Variants in MAP2K4 observed in about 807,000 individuals in gnomAD.
MAP2K4 encodes dual specificity mitogen-activated protein kinase kinase 4.
Under a neutral mutation model 48.5 loss-of-function variants are expected in MAP2K4, and 4 were observed. The observed-to-expected ratio is 0.08, with a 90% CI of 0.04 to 0.19. The LOEUF (loss-of-function observed/expected upper bound fraction) is 0.19, where lower values mean the gene tolerates loss of function less well. Among genes scored for constraint, MAP2K4 ranks in the 10% least tolerant of loss-of-function variants. MAP2K4 has a pLI of 1.00. For missense variants in MAP2K4, 258 were observed against 493.3 expected (o/e 0.52, Z 4.52); for synonymous variants, 166 against 173.1 (o/e 0.96, Z 0.32).
At chr17:12,129,031 G>T in intron 8 of MAP2K4, 108 bp from the exon 9 acceptor site, 2 of 987,076 alleles carry the variant, frequency 2.0e-6, no homozygotes, top group Non-Finnish European at 1.5e-6. Flanking sequence ...TTTAATTCAA[G>T]GCTTTACTAG....
In MAP2K4 at chr17:12,119,867, TC is replaced by T. The variant is rs566551163; in HGVS notation, c.814-5425del. Among the ~76,000 whole-genome samples, 48 of 152,352 alleles carry T rather than the reference TC, an allele frequency of 3.2e-4. 1 individual carries two copies. Among genetic ancestry groups the T allele is most frequent in the South Asian group, 4.1e-4 (2 of 4,834 alleles). ...GGAACATGGATGGAGCTGTAGGCCA[TC>T]CATTAATATCTAAGGATACTTACTT... On this transcript the variant is annotated intron_variant, in intron 7 of 10. Coordinates refer to ENST00000353533, the MANE Select transcript of MAP2K4 (RefSeq NM_003010.4).
intron 1 of MAP2K4, among the ~76,000 whole-genome samples, chr17:12,032,822 CA>C (rs901420877): frequency 6.6e-5 from 10 of 151,314 alleles, no homozygotes; most frequent in South Asian, 4.2e-4. Flanking sequence ...CTTTCTATAT[CA>C]AAAAAAAAGT....
chr17:12,097,685 GGT>G (rs1223321483), intron 4 of MAP2K4, among the ~76,000 whole-genome samples: 1 of 152,162 alleles, frequency 6.6e-6, no homozygotes, highest in African/African-American at 2.4e-5. Flanking sequence ...TTCGGGATTT[GGT>G]GGTATTATCT....
chr17:12,084,363 T>A (rs1971291033), intron 3 of MAP2K4, among the ~76,000 whole-genome samples: 2 of 152,200 alleles, frequency 1.3e-5, no homozygotes, highest in South Asian at 4.1e-4. Context: ...GTTTACCCTT[T>A]AGTTTTAATT....
At chr17:12,094,309 A>G (rs748936548) in intron 3 of MAP2K4, among the ~76,000 whole-genome samples, 14 of 152,332 alleles carry the variant, frequency 9.2e-5, no homozygotes, top group Admixed American at 3.3e-4. Flanking sequence ...TCAAAAATGA[A>G]ACGGAGAGAA....
intron 8 of MAP2K4, among the ~76,000 whole-genome samples, chr17:12,127,534 T>C (rs1972891409): frequency 6.6e-6 from 1 of 152,188 alleles, no homozygotes; most frequent in Admixed American, 6.5e-5. Context: ...CTAAACCTTG[T>C]TGTTTAAAAG....
intron 1 of MAP2K4, among the ~76,000 whole-genome samples, chr17:12,051,120 C>G (rs138718512): frequency 2.5e-3 from 383 of 152,270 alleles, no homozygotes; most frequent in African/African-American, 8.6e-3. Flanking sequence ...CTAGGCCAGC[C>G]TCTGGGCCAG....
intron 8 of MAP2K4, among the ~76,000 whole-genome samples, chr17:12,128,564 C>T (rs1006323865): frequency 6.6e-6 from 1 of 152,146 alleles, no homozygotes; most frequent in African/African-American, 2.4e-5. Flanking sequence ...CTTCAGGATG[C>T]AGGGTTTGAC....
chr17:12,135,898 C>T (rs1408231528), intron 9 of MAP2K4, among the ~76,000 whole-genome samples: 1 of 152,066 alleles, frequency 6.6e-6, no homozygotes, highest in Non-Finnish European at 1.5e-5. Flanking sequence ...CTGAGGAATC[C>T]ATGGAGCTCT....
intron 7 of MAP2K4, among the ~76,000 whole-genome samples, chr17:12,120,723 A>G (rs566035206): frequency 1.3e-5 from 2 of 152,302 alleles, no homozygotes; most frequent in Admixed American, 6.5e-5. Flanking sequence ...TTACAAAGCC[A>G]TCTAGCAGAA....
intron 2 of MAP2K4, among the ~76,000 whole-genome samples, chr17:12,055,372 A>G (rs1970252658): frequency 6.6e-6 from 1 of 152,090 alleles, no homozygotes; most frequent in South Asian, 2.1e-4. Flanking sequence ...TCTTAGTGAA[A>G]ATATTAGAGC....
intron 2 of MAP2K4, among the ~76,000 whole-genome samples, chr17:12,068,791 A>T (rs994762586): frequency 6.6e-6 from 1 of 150,534 alleles, no homozygotes; most frequent in African/African-American, 2.4e-5. Context: ...GTATTTATGT[A>T]TACATGTGTT....
intron 1 of MAP2K4, 142 bp from the exon 2 acceptor site, chr17:12,054,747 C>G: frequency 2.0e-6 from 1 of 501,868 alleles, no homozygotes; most frequent in Non-Finnish European, 3.6e-6. Flanking sequence ...AGAAATTCCT[C>G]ATTGCCTTTC....
chr17:12,030,310 C>T (rs1969394148), intron 1 of MAP2K4, among the ~76,000 whole-genome samples: 1 of 152,208 alleles, frequency 6.6e-6, no homozygotes, highest in Non-Finnish European at 1.5e-5. Flanking sequence ...TCAGTGGACT[C>T]TGGGCGAGTT....
intron 1 of MAP2K4, among the ~76,000 whole-genome samples, chr17:12,029,026 T>C (rs1366951393): frequency 6.6e-6 from 1 of 152,228 alleles, no homozygotes; most frequent in Admixed American, 6.5e-5. Context: ...CATTTTGTTT[T>C]TTACTTTATC....
intron 7 of MAP2K4, chr17:12,116,009 A>G (rs907559391): frequency 8.1e-6 from 3 of 369,676 alleles, no homozygotes; most frequent in Admixed American, 3.7e-5. Flanking sequence ...AAATGCAGAG[A>G]AAAAAACCAA....
At chr17:12,129,659 A>T (rs1010219531) in intron 9 of MAP2K4, among the ~76,000 whole-genome samples, 13 of 152,250 alleles carry the variant, frequency 8.5e-5, no homozygotes, top group African/African-American at 3.1e-4. Flanking sequence ...GCATTTACTG[A>T]ATCAAGAGCT....
intron 9 of MAP2K4, among the ~76,000 whole-genome samples, chr17:12,135,027 C>T (rs1242498569): frequency 2.0e-5 from 3 of 152,108 alleles, no homozygotes; most frequent in East Asian, 3.9e-4. Flanking sequence ...CTCAGCCCCC[C>T]GAGTAGCTGG....
At chr17:12,035,214 C>G (rs748850937) in intron 1 of MAP2K4, among the ~76,000 whole-genome samples, 28 of 152,196 alleles carry the variant, frequency 1.8e-4, no homozygotes, top group Admixed American at 8.5e-4. Flanking sequence ...AGTGGTCACA[C>G]TTTTCTTTAA....
Sources: allele counts gnomAD v4.1 joint callset (sites outside exome capture counted in the v4.1 genomes callset), GRCh38; gene constraint gnomAD v4.1.1; transcripts MANE v1.5; gene names NCBI Gene and HGNC (gene_info 2026-07-23, HGNC 2026-07-21).